CYTH3: variants seen among roughly 807,000 people sequenced by gnomAD.
CYTH3 encodes cytohesin 3.
A neutral mutation model predicts 55.1 loss-of-function variants in CYTH3; 23 were observed. The ratio of observed to expected loss-of-function variants is 0.42; its 90% CI spans 0.30 to 0.59. CYTH3 has a LOEUF of 0.59. Among genes scored for constraint, CYTH3 ranks in the 20% least tolerant of loss-of-function variants. CYTH3 has a pLI of 0.20. For missense variants in CYTH3, 413 were observed against 524.8 expected (o/e 0.79, Z 2.08); for synonymous variants, 249 against 194.9 (o/e 1.28, Z -2.31).
chr7:6,267,204 G>A (rs1159764893), intron 1 of CYTH3, among the ~76,000 whole-genome samples: 1 of 152,204 alleles, frequency 6.6e-6, no homozygotes, highest in East Asian at 1.9e-4. Context: ...TGCCTGTACA[G>A]CTACAGCCTG....
intron 1 of CYTH3, among the ~76,000 whole-genome samples, chr7:6,232,074 C>T (rs117318797): frequency 0.014 from 2,065 of 152,320 alleles, 28 homozygotes; most frequent in South Asian, 0.023. Context: ...CAGTTCAGCA[C>T]CAAGATGCAC....
intron 4 of CYTH3, among the ~76,000 whole-genome samples, chr7:6,181,960 G>T (rs1037501650): frequency 9.2e-5 from 14 of 151,980 alleles, no homozygotes; most frequent in African/African-American, 1.2e-4. Flanking sequence ...ACATCCTATC[G>T]TATCTCTTTG....
At chr7:6,246,374 CTAAG>C (rs1029891189) in intron 1 of CYTH3, among the ~76,000 whole-genome samples, 19 of 152,154 alleles carry the variant, frequency 1.2e-4, no homozygotes, top group African/African-American at 4.3e-4. Flanking sequence ...GACCAAAATT[CTAAG>C]TAAGTTTTAA....
At chr7:6,237,676 T>G (rs1779559432) in intron 1 of CYTH3, among the ~76,000 whole-genome samples, 1 of 152,036 alleles carries the variant, frequency 6.6e-6, no homozygotes, top group African/African-American at 2.4e-5. Flanking sequence ...GCCACTGCAC[T>G]CCAGCCTGGG....
chr7:6,171,344 G>C lies in CYTH3; in HGVS notation c.450-30C>G. 5 of 1,606,036 alleles carry C rather than the reference G, an allele frequency of 3.1e-6. No individual in the cohort carries two copies. The South Asian group carries it at 4.4e-5, about 14-fold the overall frequency. On this transcript the variant is annotated intron_variant, in intron 6 of 12. Transcript: ENST00000350796. The surrounding 1 kb of genome is among the most constrained non-coding windows in gnomAD (Gnocchi z 6.7). ...GGAGACACCAAAGCCATGGGAAGCC[G>C]CATCAGAACCAACACCGCCTCACGG...
At chr7:6,202,935 C>T (rs1784091166) in intron 1 of CYTH3, among the ~76,000 whole-genome samples, 1 of 152,076 alleles carries the variant, frequency 6.6e-6, no homozygotes, top group South Asian at 2.1e-4. Flanking sequence ...ATATTTAAAA[C>T]ATACGAATAC....
Position 6,177,969 on chromosome 7 carries a change from G to C in CYTH3, c.250-28C>G, listed in dbSNP as rs754946255. 10 of 1,533,492 alleles carry C rather than the reference G, an allele frequency of 6.5e-6. No homozygotes were observed. The South Asian group carries it at 1.0e-4, about 15-fold the overall frequency. 95.0% of individuals were successfully genotyped at this position (1,533,492 alleles called of 1,614,324 possible). A position where few individuals can be genotyped will look rare whatever the true frequency, so the allele number is the denominator to read the frequency against. ...GAAGAACATTAAAATGGAAGCACTG[G>C]TTAGGAGTGTCACTCAAACTCATTT... is the stretch of plus-strand genomic sequence containing the variant. On this transcript the variant is annotated intron_variant, in intron 4 of 12. Coordinates refer to ENST00000350796, the MANE Select transcript of CYTH3 (RefSeq NM_004227.4).
chr7:6,207,587 C>A (rs1784224485), intron 1 of CYTH3, among the ~76,000 whole-genome samples: 1 of 151,384 alleles, frequency 6.6e-6, no homozygotes, highest in African/African-American at 2.4e-5. Context: ...CAATATAGGC[C>A]ACAGTGAGCT....
chr7:6,179,095 C>T lies in CYTH3; in HGVS notation c.250-1154G>A, dbSNP rs537347207. Among the ~76,000 whole-genome samples, 6 of 152,250 alleles carry T rather than the reference C, an allele frequency of 3.9e-5. No homozygotes were observed. In the South Asian group the frequency reaches 1.0e-3, roughly 26 times the overall value. ...AGAAATTTCCTATTTTTTTTAAACA[C>T]ACGAACGTCCACAGCAGCCTTATTT... is the stretch of plus-strand genomic sequence containing the variant. On this transcript the variant is annotated intron_variant, in intron 4 of 12. Transcript: ENST00000350796.
In CYTH3 at chr7:6,219,292, G is replaced by A. The variant is rs148871450; in HGVS notation, c.35-28761C>T. Among the ~76,000 whole-genome samples, 1,005 of 152,318 alleles carry A rather than the reference G, an allele frequency of 6.6e-3. 11 individuals are homozygous for A. The highest frequency in any genetic ancestry group is 0.023 in the African/African-American group (953 of 41,566). On this transcript the variant is annotated intron_variant, in intron 1 of 12. Transcript: ENST00000350796. ...GATATTTAATTGAGGCATTTTCCAAGCAGAGTGTTAAAGGTGCAACCTGGT... is the reference window on the plus strand; with the variant it reads ...GATATTTAATTGAGGCATTTTCCAAACAGAGTGTTAAAGGTGCAACCTGGT...
intron 4 of CYTH3, among the ~76,000 whole-genome samples, chr7:6,185,557 G>A (rs534217502): frequency 2.2e-4 from 34 of 152,074 alleles, no homozygotes; most frequent in African/African-American, 2.4e-4. Context: ...AAAATTAGCC[G>A]GGCATGGTGG....
At chr7:6,231,860 G>C (rs1188392442) in intron 1 of CYTH3, among the ~76,000 whole-genome samples, 1 of 152,096 alleles carries the variant, frequency 6.6e-6, no homozygotes, top group Non-Finnish European at 1.5e-5. Flanking sequence ...ATCGGGACCC[G>C]GGCCACAAGG....
intron 6 of CYTH3, 123 bp downstream of exon 6, chr7:6,173,530 C>T (rs956223832): frequency 1.4e-5 from 10 of 712,526 alleles, no homozygotes; most frequent in South Asian, 8.0e-5. Context: ...GGAAAAGGAG[C>T]CAGCATCTGT....
At chr7:6,233,683 A>G (rs1455775576) in intron 1 of CYTH3, among the ~76,000 whole-genome samples, 1 of 151,804 alleles carries the variant, frequency 6.6e-6, no homozygotes, top group African/African-American at 2.4e-5. Flanking sequence ...AAATTCAGTA[A>G]ATGTGTCTCT....
At chr7:6,246,850 T>C (rs868508408) in intron 1 of CYTH3, among the ~76,000 whole-genome samples, 1 of 152,252 alleles carries the variant, frequency 6.6e-6, no homozygotes, top group South Asian at 2.1e-4. Context: ...AATTTAGACT[T>C]AAATTTATGT....
At chr7:6,225,416 C>T (rs563313603) in intron 1 of CYTH3, among the ~76,000 whole-genome samples, 147 of 151,034 alleles carry the variant, frequency 9.7e-4, no homozygotes, top group African/African-American at 3.5e-3. Context: ...TGCAATGGCA[C>T]GATCTCGGCT....
chr7:6,261,812 A>T (rs952407877), intron 1 of CYTH3, among the ~76,000 whole-genome samples: 1 of 152,036 alleles, frequency 6.6e-6, no homozygotes, highest in African/African-American at 2.4e-5. Flanking sequence ...TTTCACATAC[A>T]TTGTCCAGAA....
At chr7:6,223,169 G>A (rs917548162) in intron 1 of CYTH3, among the ~76,000 whole-genome samples, 54 of 152,242 alleles carry the variant, frequency 3.5e-4, no homozygotes, top group African/African-American at 1.3e-3. Flanking sequence ...TCTGGGAGGT[G>A]GGGGGCGCCT....
At chr7:6,172,318 T>G (rs1335305230) in intron 6 of CYTH3, among the ~76,000 whole-genome samples, 2 of 151,994 alleles carry the variant, frequency 1.3e-5, no homozygotes, top group African/African-American at 4.8e-5. Flanking sequence ...CCCCACTCTC[T>G]ACCAGGCCCC....
Sources: allele counts gnomAD v4.1 joint callset (sites outside exome capture counted in the v4.1 genomes callset), GRCh38; gene constraint gnomAD v4.1.1; non-coding constraint Gnocchi (gnomAD v3.1); transcripts MANE v1.5; gene names NCBI Gene and HGNC (gene_info 2026-07-23, HGNC 2026-07-21).